Variants in SCAPER observed in about 807,000 individuals in gnomAD.
SCAPER encodes S phase cyclin A-associated protein in the endoplasmic reticulum.
In SCAPER, 98 loss-of-function variants were observed where a neutral mutation model predicts 182.2. The observed-to-expected ratio is 0.54, with a 90% confidence interval of 0.46 to 0.64. The LOEUF (loss-of-function observed/expected upper bound fraction) is 0.64. Among genes scored for constraint, SCAPER ranks in the 30% least tolerant of loss-of-function variants. SCAPER has a pLI of 0.00. For synonymous variants in SCAPER, 605 were observed against 564.6 expected (o/e 1.07, Z -1.01); for missense variants, 1,432 against 1,690.0 (o/e 0.85, Z 2.68).
intron 17 of SCAPER, among the ~76,000 whole-genome samples, chr15:76,707,947 T>C (rs553814662): frequency 2.6e-5 from 4 of 152,126 alleles, no homozygotes; most frequent in Non-Finnish European, 5.9e-5. Flanking sequence ...AAGAAATTTG[T>C]GATATCCCCA....
At chr15:76,568,617 A>G (rs1490133049) in intron 23 of SCAPER, among the ~76,000 whole-genome samples, 3 of 152,156 alleles carry the variant, frequency 2.0e-5, no homozygotes, top group African/African-American at 7.2e-5. Flanking sequence ...TCAGCCTCGC[A>G]AAGTGCTGGT....
At chr15:76,580,130 A>G (rs2048160269) in intron 22 of SCAPER, among the ~76,000 whole-genome samples, 1 of 152,182 alleles carries the variant, frequency 6.6e-6, no homozygotes, top group Non-Finnish European at 1.5e-5. Context: ...CAGAATATCA[A>G]CAAAGAAACA....
intron 5 of SCAPER, among the ~76,000 whole-genome samples, chr15:76,826,809 C>A (rs562997326): frequency 6.6e-6 from 1 of 152,142 alleles, no homozygotes; most frequent in Non-Finnish European, 1.5e-5. Context: ...AAATATAAGT[C>A]CACTTGTGTT....
At chr15:76,561,680 T>A (rs2046634326) in intron 23 of SCAPER, among the ~76,000 whole-genome samples, 1 of 151,874 alleles carries the variant, frequency 6.6e-6, no homozygotes, top group African/African-American at 2.4e-5. Context: ...TATGCATCTA[T>A]ACGGGCAAGA....
chr15:76,628,405 T>C (rs1206399748), intron 21 of SCAPER, among the ~76,000 whole-genome samples: 1 of 152,216 alleles, frequency 6.6e-6, no homozygotes, highest in Non-Finnish European at 1.5e-5. Context: ...TTTTATAGTT[T>C]TGGGTTTTAC....
chr15:76,686,532 A>G (rs1437086049), intron 20 of SCAPER, among the ~76,000 whole-genome samples: 1 of 152,108 alleles, frequency 6.6e-6, no homozygotes, highest in African/African-American at 2.4e-5. Flanking sequence ...TATATACCAT[A>G]CTACTCAGCA....
intron 4 of SCAPER, among the ~76,000 whole-genome samples, chr15:76,857,157 A>C (rs2063542): frequency 6.6e-6 from 1 of 152,018 alleles, no homozygotes; most frequent in Non-Finnish European, 1.5e-5. Flanking sequence ...TGAGGGCTGA[A>C]TGTGGTGGTT....
chr15:76,465,233 G>C (rs1403620250), intron 25 of SCAPER, among the ~76,000 whole-genome samples: 1 of 152,154 alleles, frequency 6.6e-6, no homozygotes, highest in Admixed American at 6.6e-5. Flanking sequence ...CTGAGATCAA[G>C]ATGCTGGCAG....
chr15:76,395,921 G>C (rs540081384), intron 27 of SCAPER, among the ~76,000 whole-genome samples: 6 of 152,238 alleles, frequency 3.9e-5, no homozygotes, highest in Non-Finnish European at 7.4e-5. Flanking sequence ...TTTTTGCCCA[G>C]TACAATGTCC....
At chr15:76,819,216 T>C (rs1036137145) in intron 5 of SCAPER, among the ~76,000 whole-genome samples, 1 of 152,194 alleles carries the variant, frequency 6.6e-6, no homozygotes, top group Non-Finnish European at 1.5e-5. Context: ...AATGTCCCTC[T>C]CTGACAGCTT....
chr15:76,637,064 A>G (rs1171652623), intron 21 of SCAPER, among the ~76,000 whole-genome samples: 2 of 152,028 alleles, frequency 1.3e-5, no homozygotes, highest in African/African-American at 2.4e-5. Context: ...GTTTTTGAGT[A>G]TATACATAAG....
intron 4 of SCAPER, among the ~76,000 whole-genome samples, chr15:76,857,524 T>C (rs1157244562): frequency 5.3e-5 from 8 of 152,110 alleles, no homozygotes; most frequent in African/African-American, 1.9e-4. Flanking sequence ...TTACATGCCT[T>C]CTCTCTGTCT....
chr15:76,369,584 T>C (rs4886491), intron 29 of SCAPER, among the ~76,000 whole-genome samples: 128,363 of 152,152 alleles, frequency 0.84, 55,368 homozygotes, highest in Middle Eastern at 0.96. Context: ...GAAGGTGCCA[T>C]GAATCTATGA....
chr15:76,487,647 T>C (rs1214434112), intron 24 of SCAPER, among the ~76,000 whole-genome samples: 1 of 152,134 alleles, frequency 6.6e-6, no homozygotes, highest in East Asian at 1.9e-4. Flanking sequence ...GGGAACTCAA[T>C]TTCTGCCCAA....
At chr15:76,787,351 A>C (rs1289948799) in intron 8 of SCAPER, among the ~76,000 whole-genome samples, 2 of 152,216 alleles carry the variant, frequency 1.3e-5, no homozygotes, top group Admixed American at 6.5e-5. Flanking sequence ...ATAAAATTGC[A>C]AATGCAATTC....
chr15:76,880,869 A>T lies in SCAPER; in HGVS notation c.6+2943T>A, dbSNP rs1050387537. Among the ~76,000 whole-genome samples the T allele has an allele frequency of 1.1e-4, 17 of 152,316 alleles. 1 individual carries two copies. In the East Asian group the frequency reaches 3.3e-3, roughly 29 times the overall value. On this transcript the variant is annotated intron_variant, in intron 2 of 31. Coordinates refer to ENST00000563290, the MANE Select transcript of SCAPER (RefSeq NM_020843.4). Reference sequence around the variant, plus strand: ...AAGAAAAACGATTACCCATGCACCCATTAAAATGGCTACCATCAAAAAAAC... The same window carrying T: ...AAGAAAAACGATTACCCATGCACCCTTTAAAATGGCTACCATCAAAAAAAC...
At chr15:76,623,858 C>G (rs548310439) in intron 21 of SCAPER, among the ~76,000 whole-genome samples, 27 of 147,970 alleles carry the variant, frequency 1.8e-4, no homozygotes, top group African/African-American at 6.2e-4. Flanking sequence ...ATCCAACATC[C>G]CTTCATGATA....
At chr15:76,744,674 A>G (rs761312761) in intron 15 of SCAPER, among the ~76,000 whole-genome samples, 6 of 152,174 alleles carry the variant, frequency 3.9e-5, no homozygotes, top group Non-Finnish European at 8.8e-5. Flanking sequence ...ACGCTTATAC[A>G]CTGTTGGTGG....
chr15:76,848,222 A>G (rs2070319683), intron 4 of SCAPER, among the ~76,000 whole-genome samples: 2 of 148,732 alleles, frequency 1.3e-5, no homozygotes, highest in Admixed American at 1.3e-4. Context: ...CTGGTCTTGA[A>G]CTCCTAATCT....
Sources: gnomAD v4.1 joint callset for allele counts (sites outside exome capture counted in the v4.1 genomes callset) on GRCh38, gnomAD v4.1.1 for gene constraint, MANE v1.5 for transcripts, NCBI Gene and HGNC (gene_info 2026-07-23, HGNC 2026-07-21) for gene names.